Variants in CUL2 observed in about 807,000 individuals in gnomAD.
CUL2 encodes cullin 2.
A neutral mutation model predicts 110.2 loss-of-function variants in CUL2; 22 were observed. The ratio of observed to expected loss-of-function variants is 0.20; its 90% CI spans 0.14 to 0.28. The LOEUF (loss-of-function observed/expected upper bound fraction) is 0.28. Among genes scored for constraint, CUL2 ranks in the 10% least tolerant of loss-of-function variants. CUL2 has a pLI of 1.00. For synonymous variants in CUL2, 279 were observed against 293.2 expected (o/e 0.95, Z 0.49); for missense variants, 631 against 905.5 (o/e 0.70, Z 3.89).
At chr10:35,050,159 A>G (rs1294427785) in intron 5 of CUL2, among the ~76,000 whole-genome samples, 1 of 152,034 alleles carries the variant, frequency 6.6e-6, no homozygotes, top group African/African-American at 2.4e-5. Flanking sequence ...TGTCTCTACT[A>G]AAAATACAAA....
chr10:35,032,618 AGTTT>A, intron 11 of CUL2, 124 bp from the exon 12 acceptor site: 1 of 634,008 alleles, frequency 1.6e-6, no homozygotes, highest in Non-Finnish European at 2.6e-6. Context: ...CATTGCCGGT[AGTTT>A]GTTAATATTT....
At chr10:35,122,345 A>C (rs1245425147) in intron 1 of CUL2, among the ~76,000 whole-genome samples, 1 of 152,192 alleles carries the variant, frequency 6.6e-6, no homozygotes, top group Non-Finnish European at 1.5e-5. Context: ...AAAAGTTACA[A>C]CTTCAGGGTT....
At chr10:35,062,891 T>C (rs1304049714) in intron 3 of CUL2, 69 bp downstream of exon 3, 15 of 922,156 alleles carry the variant, frequency 1.6e-5, no homozygotes, top group Non-Finnish European at 2.4e-5. Flanking sequence ...AGTTCTACAC[T>C]GGAAAACAGT....
At chr10:35,042,965 T>TA (rs1332048796) in intron 8 of CUL2, among the ~76,000 whole-genome samples, 1 of 151,956 alleles carries the variant, frequency 6.6e-6, no homozygotes, top group Non-Finnish European at 1.5e-5. Flanking sequence ...TAGATGGTGT[T>TA]AGAGTTGAAC....
Position 35,011,834 on chromosome 10 carries a change from T to C in CUL2, c.2106+14A>G, listed in dbSNP as rs2084910109. ...CTCTACCCTAAGAAGCCCTGAGGAC[T>C]GCCCTCCTTTTACCTCTTGAATAAG... On this transcript the variant is annotated intron_variant, in intron 20 of 20. Transcript: ENST00000374749. 6.9e-7 allele frequency: 1 copy of C among 1,459,276 alleles called. No homozygotes were observed. The highest frequency in any genetic ancestry group is 1.7e-5 in the Admixed American group (1 of 59,246). 90.4% of individuals were successfully genotyped at this position (1,459,276 alleles called of 1,614,324 possible). A position where few individuals can be genotyped will look rare whatever the true frequency, so the allele number is the denominator to read the frequency against.
chr10:35,039,547 C>G (rs2085723791), intron 8 of CUL2, among the ~76,000 whole-genome samples: 1 of 152,196 alleles, frequency 6.6e-6, no homozygotes, highest in African/African-American at 2.4e-5. Context: ...AGTTAACTAC[C>G]ATATTAAAGA....
At chr10:35,014,043 G>A (rs1322438973) in intron 18 of CUL2, among the ~76,000 whole-genome samples, 3 of 152,168 alleles carry the variant, frequency 2.0e-5, no homozygotes. Flanking sequence ...TTGGGAATAA[G>A]CTATTTTCTG....
At chr10:35,049,651 A>G in intron 6 of CUL2, 32 bp downstream of exon 6, 2 of 1,558,490 alleles carry the variant, frequency 1.3e-6, no homozygotes, top group South Asian at 1.1e-5. Flanking sequence ...ACAAAATAAA[A>G]TTGACTCAGT....
chr10:35,085,856 T>C (rs1283482049), intron 1 of CUL2, among the ~76,000 whole-genome samples: 1 of 152,124 alleles, frequency 6.6e-6, no homozygotes, highest in Non-Finnish European at 1.5e-5. Context: ...AACAGCTTTT[T>C]ACAGCGAGGG....
At chr10:35,036,941 C>T (rs1413706098) in intron 9 of CUL2, among the ~76,000 whole-genome samples, 7 of 152,136 alleles carry the variant, frequency 4.6e-5, no homozygotes, top group African/African-American at 2.4e-5. Context: ...TGTCATGTTG[C>T]CCAGGCTGGT....
chr10:35,062,558 T>C (rs1589020543), intron 3 of CUL2, among the ~76,000 whole-genome samples: 1 of 152,026 alleles, frequency 6.6e-6, no homozygotes, highest in Non-Finnish European at 1.5e-5. Flanking sequence ...TATGTATATA[T>C]TTTTAAAATG....
chr10:35,093,241 C>A (rs576332465), upstream of CUL2, among the ~76,000 whole-genome samples: 1 of 152,056 alleles, frequency 6.6e-6, no homozygotes, highest in Non-Finnish European at 1.5e-5. Context: ...AACTCCAGTT[C>A]TCCTATGTGA....
At chr10:35,010,515 T>C (rs1426568738) in intron 20 of CUL2, 73 bp from the exon 21 acceptor site, 2 of 1,427,384 alleles carry the variant, frequency 1.4e-6, no homozygotes, top group Non-Finnish European at 1.9e-6. Flanking sequence ...AACCAATCAG[T>C]TTAAAGTGCC....
Position 35,061,219 on chromosome 10 carries a change from A to T in CUL2, c.223-251T>A, listed in dbSNP as rs1445742016. On this transcript the variant is annotated intron_variant, in intron 3 of 20. Coordinates refer to ENST00000374749, the MANE Select transcript of CUL2 (RefSeq NM_003591.4). ...CCGAGCGCAGTGGCTCACGCCTGTAATTCCAGCACTTTGGGAGGCCAAGGC... is the reference window on the plus strand; with the variant it reads ...CCGAGCGCAGTGGCTCACGCCTGTATTTCCAGCACTTTGGGAGGCCAAGGC... Among the ~76,000 whole-genome samples the T allele has an allele frequency of 2.0e-5, 3 of 152,192 alleles. No individual in the cohort carries two copies. The East Asian group carries it at 5.8e-4, about 29-fold the overall frequency.
chr10:35,048,651 C>A (rs778715432), intron 6 of CUL2, among the ~76,000 whole-genome samples: 1 of 152,164 alleles, frequency 6.6e-6, no homozygotes, highest in Non-Finnish European at 1.5e-5. Flanking sequence ...AGAAAAACAA[C>A]GGGTTACACC....
intron 5 of CUL2, among the ~76,000 whole-genome samples, chr10:35,050,909 T>C (rs186902293): frequency 1.3e-5 from 2 of 152,366 alleles, no homozygotes; most frequent in African/African-American, 4.8e-5. Flanking sequence ...CCAAATGATT[T>C]TCCAATTTAT....
At chr10:35,096,003 T>A (rs1299385872) in intron 2 of CUL2, among the ~76,000 whole-genome samples, 1 of 152,142 alleles carries the variant, frequency 6.6e-6, no homozygotes, top group Non-Finnish European at 1.5e-5. Flanking sequence ...ATCCCAGCAC[T>A]TTCGGAGTCC....
chr10:35,084,548 T>G (rs954405911), intron 1 of CUL2, among the ~76,000 whole-genome samples: 1 of 152,184 alleles, frequency 6.6e-6, no homozygotes, highest in Non-Finnish European at 1.5e-5. Flanking sequence ...CTATACATTC[T>G]TAAAGGTAAC....
intron 1 of CUL2, among the ~76,000 whole-genome samples, chr10:35,105,330 G>T (rs2087439815): frequency 6.6e-6 from 1 of 151,880 alleles, no homozygotes; most frequent in African/African-American, 2.4e-5. Context: ...GGAGGCTGAG[G>T]CAGGAGAATG....
Sources: allele counts gnomAD v4.1 joint callset (sites outside exome capture counted in the v4.1 genomes callset), GRCh38; gene constraint gnomAD v4.1.1; transcripts MANE v1.5; gene names NCBI Gene and HGNC (gene_info 2026-07-23, HGNC 2026-07-21).